The following SLC6A11 variants were observed in gnomAD, a reference collection of about 807,000 sequenced individuals.
SLC6A11 encodes the protein solute carrier family 6 member 11.
Under a neutral mutation model 74.8 loss-of-function variants are expected in SLC6A11, and 25 were observed. The ratio of observed to expected loss-of-function variants is 0.33; its 90% CI spans 0.24 to 0.47. SLC6A11 has a LOEUF of 0.47. SLC6A11 is among the 20% of genes least tolerant of loss of function. SLC6A11 has a pLI of 1.00. For missense variants in SLC6A11, 574 were observed against 837.0 expected, an observed-to-expected ratio of 0.69 and a Z score of 3.88; for synonymous variants, 330 against 330.2, an observed-to-expected ratio of 1.00 and a Z score of 0.01.
At chr3:10,828,463 G>A (rs914542607) in intron 4 of SLC6A11, among the ~76,000 whole-genome samples, 1 of 152,114 alleles carries the variant, frequency 6.6e-6, no homozygotes, top group African/African-American at 2.4e-5. Flanking sequence ...TGAGATTTGG[G>A]ATCAGAGGAA....
intron 4 of SLC6A11, among the ~76,000 whole-genome samples, chr3:10,838,392 C>T (rs1024917507): frequency 6.6e-6 from 1 of 152,312 alleles, no homozygotes; most frequent in South Asian, 2.1e-4. Flanking sequence ...CCCTCCCAAC[C>T]TTGGGCTCAC....
intron 10 of SLC6A11, among the ~76,000 whole-genome samples, chr3:10,932,637 C>G (rs1257736826): frequency 6.6e-6 from 1 of 152,122 alleles, no homozygotes; most frequent in African/African-American, 2.4e-5. Context: ...CCAGGAGGGA[C>G]TGTGGGAAGG....
intron 8 of SLC6A11, among the ~76,000 whole-genome samples, chr3:10,920,710 A>G (rs979599729): frequency 2.6e-5 from 4 of 152,232 alleles, no homozygotes; most frequent in African/African-American, 9.6e-5. Flanking sequence ...CCTAGCTTTT[A>G]CAGTGCCTAT....
chr3:10,890,849 T>G (rs1695098883), intron 6 of SLC6A11, among the ~76,000 whole-genome samples: 1 of 152,232 alleles, frequency 6.6e-6, no homozygotes, highest in Admixed American at 6.5e-5. Flanking sequence ...TTATTTCACT[T>G]GAGTGGTAGT....
chr3:10,891,230 C>A (rs1220716474), intron 6 of SLC6A11, among the ~76,000 whole-genome samples: 2 of 152,200 alleles, frequency 1.3e-5, no homozygotes, highest in Non-Finnish European at 2.9e-5. Context: ...AATTTTCTAT[C>A]TTCCTTAAAA....
At chr3:10,873,635 C>A in intron 5 of SLC6A11, among the ~76,000 whole-genome samples, 1 of 149,282 alleles carries the variant, frequency 6.7e-6, no homozygotes, top group South Asian at 2.2e-4. Flanking sequence ...CTATCCTGTC[C>A]TGTCCTGTCC....
At chr3:10,934,613 C>T (rs1370043097) in intron 12 of SLC6A11, among the ~76,000 whole-genome samples, 1 of 152,260 alleles carries the variant, frequency 6.6e-6, no homozygotes, top group African/African-American at 2.4e-5. Flanking sequence ...CATCCTATCA[C>T]TCCTTATCCG....
chr3:10,915,583 G>A lies in SLC6A11; in HGVS notation c.996-2746G>A, dbSNP rs767613583. On this transcript the variant is annotated intron_variant, in intron 7 of 13. Coordinates refer to ENST00000254488, the MANE Select transcript of SLC6A11 (RefSeq NM_014229.3). This position sits in a 1 kb window ranked among gnomAD's most constrained non-coding sequence, Gnocchi z 4.3. ...TTACCTAGACGTGGGAGCTGGGGAAGGAATTAGAGGGATGGAAATGGGAGC... is the reference window on the plus strand; with the variant it reads ...TTACCTAGACGTGGGAGCTGGGGAAAGAATTAGAGGGATGGAAATGGGAGC... Among the ~76,000 whole-genome samples, 42 of 152,070 alleles carry A rather than the reference G, an allele frequency of 2.8e-4. No individual in the cohort carries two copies. Among genetic ancestry groups the A allele is most frequent in the Non-Finnish European group, 7.4e-5 (5 of 68,024 alleles).
In SLC6A11 at chr3:10,934,315, C is replaced by A. The variant is rs1695730794; in HGVS notation, c.1575+149C>A. Reference sequence around the variant, plus strand: ...TTCAGGCCACCTTACAAAGCTGCACCCATGGGCACAGGCTCTGGGCTTGGC... The same window carrying A: ...TTCAGGCCACCTTACAAAGCTGCACACATGGGCACAGGCTCTGGGCTTGGC... On this transcript the variant is annotated intron_variant, in intron 12 of 13. Transcript: ENST00000254488. 6.8e-6 allele frequency: 4 copies of A among 587,868 alleles called. No homozygotes were observed. The South Asian group carries it at 8.7e-5, about 13-fold the overall frequency. The allele number at this position is 587,868 out of a possible 1,614,324, so 36.4% of individuals were successfully genotyped here.
intron 6 of SLC6A11, among the ~76,000 whole-genome samples, chr3:10,909,293 G>T (rs1013030087): frequency 6.6e-6 from 1 of 151,922 alleles, no homozygotes; most frequent in African/African-American, 2.4e-5. Context: ...TGCTGTTACC[G>T]AAAAAGGAAA....
rs545598170 is a variant in SLC6A11, at chr3:10,929,416, G to T, written c.1371+77G>T. On this transcript the variant is annotated intron_variant, in intron 10 of 13. Coordinates refer to ENST00000254488, the MANE Select transcript of SLC6A11 (RefSeq NM_014229.3). ...CTCCCAGCTCTAAAAGTGACCAGCT[G>T]TGTGACCCGGGTCAGGTCTAGTGCC... is the stretch of plus-strand genomic sequence containing the variant. 1,064 of 1,534,990 alleles carry T rather than the reference G, an allele frequency of 6.9e-4. 4 individuals carry two copies. Among genetic ancestry groups the T allele is most frequent in the South Asian group, 5.7e-3 (472 of 83,266 alleles).
intron 13 of SLC6A11, among the ~76,000 whole-genome samples, chr3:10,935,871 G>T (rs1400487585): frequency 6.6e-6 from 1 of 152,056 alleles, no homozygotes; most frequent in Admixed American, 6.5e-5. Flanking sequence ...TACTTTCATT[G>T]TCCTAATAAG....
chr3:10,865,669 A>G (rs944325953), intron 5 of SLC6A11, among the ~76,000 whole-genome samples: 6 of 152,226 alleles, frequency 3.9e-5, no homozygotes, highest in Non-Finnish European at 5.9e-5. Flanking sequence ...CTCAAAAACA[A>G]AAACAAAAAA....
intron 13 of SLC6A11, among the ~76,000 whole-genome samples, chr3:10,937,869 C>T (rs562128421): frequency 2.6e-4 from 39 of 152,298 alleles, no homozygotes; most frequent in African/African-American, 7.2e-4. Context: ...GATGCATTAC[C>T]ACCCAGCAAT....
At chr3:10,923,911 T>G (rs1333170182) in intron 8 of SLC6A11, among the ~76,000 whole-genome samples, 2 of 152,026 alleles carry the variant, frequency 1.3e-5, no homozygotes, top group African/African-American at 2.4e-5. Context: ...ACTGCTGTGG[T>G]TTTCTAGCCA....
intron 6 of SLC6A11, among the ~76,000 whole-genome samples, chr3:10,897,683 G>A (rs1383778982): frequency 3.9e-5 from 6 of 152,196 alleles, no homozygotes; most frequent in Non-Finnish European, 7.4e-5. Flanking sequence ...TTCATGGGCT[G>A]GTGTTGAGTG....
chr3:10,909,008 G>C (rs1203576063), intron 6 of SLC6A11, among the ~76,000 whole-genome samples: 1 of 151,090 alleles, frequency 6.6e-6, no homozygotes, highest in Non-Finnish European at 1.5e-5. Context: ...GTCTGCCTTT[G>C]CTCTAGACTC....
At chr3:10,824,137 A>C (rs1694174076) in intron 4 of SLC6A11, 1 of 152,216 alleles carries the variant, frequency 6.6e-6, no homozygotes, top group African/African-American at 2.4e-5. Context: ...AAGGGGCCAT[A>C]ATTTACATTA....
intron 6 of SLC6A11, among the ~76,000 whole-genome samples, chr3:10,909,708 A>G (rs963923803): frequency 3.3e-5 from 5 of 152,206 alleles, no homozygotes; most frequent in South Asian, 2.1e-4. Context: ...TTGGCCTCCC[A>G]TTTCCTGGGT....
Sources: gnomAD v4.1 joint callset for allele counts (sites outside exome capture counted in the v4.1 genomes callset) on GRCh38, gnomAD v4.1.1 for gene constraint, Gnocchi (gnomAD v3.1) non-coding constraint, MANE v1.5 for transcripts, NCBI Gene and HGNC (gene_info 2026-07-23, HGNC 2026-07-21) for gene names.